Variants in SOBP observed in about 807,000 individuals in gnomAD.
SOBP encodes sine oculis-binding protein homolog.
SOBP carries 4 observed loss-of-function variants against 53.6 expected under a neutral mutation model. The observed-to-expected ratio is 0.07, with a 90% CI of 0.04 to 0.17. The LOEUF (loss-of-function observed/expected upper bound fraction) is 0.17. Ranked by LOEUF, SOBP falls within the 10% of genes least tolerant of loss-of-function variation. The pLI, the probability that SOBP is intolerant of heterozygous loss-of-function variation, is 1.00. For synonymous variants in SOBP, 584 were observed against 522.6 expected, an observed-to-expected ratio of 1.12 and a Z score of -1.60; for missense variants, 1,088 against 1,204.7, an observed-to-expected ratio of 0.90 and a Z score of 1.43.
rs114818712 is a variant in SOBP at position 107,630,907 on chromosome 6, G to A, written c.670-2607G>A. On this transcript the variant is annotated intron_variant, in intron 5 of 6. Transcript: ENST00000317357. ...TTAATGGGAAAGTTTGATGAAATAG[G>A]ATTTTGCTTCTAACTTTGATGTCTG... is the stretch of plus-strand genomic sequence containing the variant. Among the ~76,000 whole-genome samples the A allele has an allele frequency of 7.2e-3, 1,103 of 152,242 alleles. 19 individuals are homozygous for A. The highest frequency in any genetic ancestry group is 0.026 in the African/African-American group (1,066 of 41,538).
At chr6:107,548,430 G>C (rs913493263) in intron 4 of SOBP, among the ~76,000 whole-genome samples, 2 of 152,006 alleles carry the variant, frequency 1.3e-5, no homozygotes, top group East Asian at 3.9e-4. Context: ...TTTTAGTAGA[G>C]ACAGGGTTTC....
intron 1 of SOBP, among the ~76,000 whole-genome samples, chr6:107,499,303 G>A (rs761404822): frequency 2.0e-5 from 3 of 152,160 alleles, no homozygotes; most frequent in Non-Finnish European, 4.4e-5. Flanking sequence ...GTCGTGAAAA[G>A]AGGATGTCAT....
At chr6:107,575,733 T>G (rs141667787) in intron 4 of SOBP, among the ~76,000 whole-genome samples, 1,582 of 152,126 alleles carry the variant, frequency 0.01, 7 homozygotes, top group South Asian at 0.017. Context: ...ATAATAATAA[T>G]AATAAGAAGA....
At chr6:107,574,558 C>T (rs1243088961) in intron 4 of SOBP, among the ~76,000 whole-genome samples, 2 of 152,092 alleles carry the variant, frequency 1.3e-5, no homozygotes, top group Non-Finnish European at 1.5e-5. Flanking sequence ...AATGAGTGAG[C>T]CCTCTGGTGA....
At chr6:107,631,083 TA>T (rs1007422783) in intron 5 of SOBP, among the ~76,000 whole-genome samples, 4 of 152,170 alleles carry the variant, frequency 2.6e-5, no homozygotes, top group Non-Finnish European at 5.9e-5. Flanking sequence ...AGATTATTAT[TA>T]TTTTTTACTC....
chr6:107,524,536 G>A (rs1783605839), intron 3 of SOBP, among the ~76,000 whole-genome samples: 1 of 152,096 alleles, frequency 6.6e-6, no homozygotes, highest in Non-Finnish European at 1.5e-5. Flanking sequence ...TTCTCTGTAG[G>A]GCTCTATAGG....
intron 6 of SOBP, among the ~76,000 whole-genome samples, chr6:107,655,159 G>A (rs1282414981): frequency 6.6e-6 from 1 of 152,024 alleles, no homozygotes; most frequent in African/African-American, 2.4e-5. Flanking sequence ...GCTTGGCAAG[G>A]ACAAAACAGA....
At chr6:107,632,322 GC>G (rs1219628954) in intron 5 of SOBP, among the ~76,000 whole-genome samples, 432 of 147,502 alleles carry the variant, frequency 2.9e-3, no homozygotes, top group African/African-American at 9.8e-3. Flanking sequence ...TGAGAAAATG[GC>G]CCCCCCCCAA....
chr6:107,639,728 G>A lies in SOBP; in HGVS notation c.*3+4259G>A, dbSNP rs572984903. 1.5e-4 allele frequency among the ~76,000 whole-genome samples: 23 copies of A among 152,210 alleles called. 1 individual carries two copies. The highest frequency in any genetic ancestry group is 5.5e-4 in the African/African-American group (23 of 41,538). ...ATTTCTACAGTTTACACTTGTTTATGGTACATTGGGGAGTTCAGAGTAACC... is the reference window on the plus strand; with the variant it reads ...ATTTCTACAGTTTACACTTGTTTATAGTACATTGGGGAGTTCAGAGTAACC... On this transcript the variant is annotated intron_variant, in intron 6 of 6. Transcript: ENST00000317357.
intron 5 of SOBP, among the ~76,000 whole-genome samples, chr6:107,632,321 G>GCC (rs1260397922): frequency 4.7e-5 from 7 of 147,530 alleles, no homozygotes; most frequent in Middle Eastern, 3.5e-3. Context: ...CTGAGAAAAT[G>GCC]GCCCCCCCCC....
intron 1 of SOBP, among the ~76,000 whole-genome samples, chr6:107,497,232 C>A (rs1437887177): frequency 6.6e-6 from 1 of 152,168 alleles, no homozygotes; most frequent in Non-Finnish European, 1.5e-5. Flanking sequence ...TAGCATTTTT[C>A]CCCCATGCTT....
chr6:107,520,339 C>A (rs1013376100), intron 3 of SOBP, among the ~76,000 whole-genome samples: 3 of 152,156 alleles, frequency 2.0e-5, no homozygotes, highest in Non-Finnish European at 4.4e-5. Context: ...CCTAGAATAT[C>A]ATCTAATTAA....
At chr6:107,531,450 G>A (rs970263806) in intron 3 of SOBP, among the ~76,000 whole-genome samples, 4 of 152,108 alleles carry the variant, frequency 2.6e-5, no homozygotes, top group Non-Finnish European at 5.9e-5. Flanking sequence ...GTAAAGATAG[G>A]TGAATATTTT....
chr6:107,643,891 G>C (rs781510412), intron 6 of SOBP, among the ~76,000 whole-genome samples: 1 of 152,194 alleles, frequency 6.6e-6, no homozygotes, highest in Non-Finnish European at 1.5e-5. Flanking sequence ...AGTAGAATCA[G>C]CTTATTTTAT....
chr6:107,654,340 G>A (rs1333674967), intron 6 of SOBP, among the ~76,000 whole-genome samples: 1 of 152,186 alleles, frequency 6.6e-6, no homozygotes, highest in Non-Finnish European at 1.5e-5. Context: ...CCTGCCTTCA[G>A]ACAAATGCCC....
At chr6:107,631,766 T>C (rs1001414765) in intron 5 of SOBP, among the ~76,000 whole-genome samples, 113 of 152,314 alleles carry the variant, frequency 7.4e-4, no homozygotes, top group African/African-American at 2.5e-3. Flanking sequence ...AACTCAGCAG[T>C]TTTCTCACTC....
At chr6:107,530,570 C>T (rs1267165870) in intron 3 of SOBP, among the ~76,000 whole-genome samples, 1 of 151,654 alleles carries the variant, frequency 6.6e-6, no homozygotes, top group Non-Finnish European at 1.5e-5. Context: ...ATCTAGAATG[C>T]CTGAAATACC....
chr6:107,602,568 T>TAAAAAAAAAAAAAAAAAA (rs71810335), intron 5 of SOBP, among the ~76,000 whole-genome samples: 6 of 102,808 alleles, frequency 5.8e-5, no homozygotes, highest in East Asian at 2.8e-4. Flanking sequence ...TAAGCCGCGT[T>TAAAAAAAAAAAAAAAAAA]AAAAAAAAAA....
intron 5 of SOBP, among the ~76,000 whole-genome samples, chr6:107,598,579 A>G (rs1786035675): frequency 6.6e-6 from 1 of 152,212 alleles, no homozygotes; most frequent in Admixed American, 6.5e-5. Context: ...TGACAGCCAA[A>G]CAGCTAATTT....
Sources: gnomAD v4.1 joint callset for allele counts (sites outside exome capture counted in the v4.1 genomes callset) on GRCh38, gnomAD v4.1.1 for gene constraint, MANE v1.5 for transcripts, NCBI Gene and HGNC (gene_info 2026-07-23, HGNC 2026-07-21) for gene names.